Variants in ANKRD52 observed in about 807,000 individuals in gnomAD.
ANKRD52 encodes serine/threonine-protein phosphatase 6 regulatory ankyrin repeat subunit C.
A neutral mutation model predicts 116.0 loss-of-function variants in ANKRD52; 7 were observed. The observed-to-expected ratio is 0.06, with a 90% confidence interval of 0.03 to 0.11. The LOEUF (loss-of-function observed/expected upper bound fraction) is 0.11. Among genes scored for constraint, ANKRD52 ranks in the 10% least tolerant of loss-of-function variants. ANKRD52 has a pLI of 1.00. For missense variants in ANKRD52, 839 were observed against 1,408.6 expected (o/e 0.60, Z 6.47); for synonymous variants, 528 against 578.1 (o/e 0.91, Z 1.24).
rs202198891 is a variant in ANKRD52 at position 56,237,857 on chromosome 12, C to T, written c.*5285G>A. ...AGAACCCATCCCAAAGCCATGACTA[C>T]GACAGTTGTACTTGCACCAAAACAG... On this transcript the variant is annotated 3_prime_UTR_variant, in exon 28 of 28. Transcript: ENST00000267116. 205 of 1,189,266 alleles carry T rather than the reference C, an allele frequency of 1.7e-4. 1 individual carries two copies. The East Asian group carries it at 5.5e-3, about 32-fold the overall frequency. The allele number at this position is 1,189,266 out of a possible 1,614,324, so 73.7% of individuals were successfully genotyped here.
intron 15 of ANKRD52, among the ~76,000 whole-genome samples, chr12:56,249,631 C>T (rs1024094130): frequency 3.9e-5 from 6 of 152,218 alleles, no homozygotes; most frequent in South Asian, 2.1e-4. Flanking sequence ...GGGCCTGGCT[C>T]GGTTGCTCAC....
At position 56,258,360 on chromosome 12, in the gene ANKRD52, G is replaced by A; in HGVS notation, c.-91C>T. 6.7e-6 allele frequency: 9 copies of A among 1,350,978 alleles called. No homozygotes were observed. Among genetic ancestry groups the A allele is most frequent in the Non-Finnish European group, 8.6e-6 (9 of 1,048,660 alleles). 83.7% of individuals were successfully genotyped at this position (1,350,978 alleles called of 1,614,324 possible). ...CGGAGCGGCCCAGGCGGCGGCTGCGGTGGCGGCTGCAGGGAGAGCGCGGCC... is the reference window on the plus strand; with the variant it reads ...CGGAGCGGCCCAGGCGGCGGCTGCGATGGCGGCTGCAGGGAGAGCGCGGCC... On this transcript the variant is annotated 5_prime_UTR_variant, in exon 1 of 28. Coordinates refer to ENST00000267116, the MANE Select transcript of ANKRD52 (RefSeq NM_173595.4).
Position 56,253,474 on chromosome 12 carries a change from AT to A in ANKRD52, c.986-73del. The A allele has an allele frequency of 8.3e-7, 1 of 1,205,274 alleles. No individual in the cohort carries two copies. The highest frequency in any genetic ancestry group is 1.2e-6 in the Non-Finnish European group (1 of 820,352). The allele number at this position is 1,205,274 out of a possible 1,614,324, so 74.7% of individuals were successfully genotyped here. ...AGACCACTTTCGCGAGCTAGCCATG[AT>A]TTGAGTGCCTACTATGTATGCATCA... On this transcript the variant is annotated intron_variant, in intron 9 of 27. Transcript: ENST00000267116. The surrounding 1 kb of genome is among the most constrained non-coding windows in gnomAD (Gnocchi z 5.5).
Position 56,242,428 on chromosome 12 carries a change from AG to A in ANKRD52, c.*713del. ...AGGCTAGGAGTGGGAGGGAATGGGG[AG>A]GGGGCAGGCTGTGGGGGCAGAACCA... On this transcript the variant is annotated 3_prime_UTR_variant, in exon 28 of 28. Coordinates refer to ENST00000267116, the MANE Select transcript of ANKRD52 (RefSeq NM_173595.4). This position sits in a 1 kb window ranked among gnomAD's most constrained non-coding sequence, Gnocchi z 4.3. The A allele has an allele frequency of 3.1e-6, 1 of 326,876 alleles. No individual in the cohort carries two copies. The highest frequency in any genetic ancestry group is 5.5e-6 in the Non-Finnish European group (1 of 181,286). The allele number at this position is 326,876 out of a possible 1,614,324, so 20.2% of individuals were successfully genotyped here.
chr12:56,251,967 T>A (rs369771785), intron 15 of ANKRD52, 48 bp downstream of exon 15: 3 of 1,586,362 alleles, frequency 1.9e-6, no homozygotes, highest in Non-Finnish European at 2.6e-6. Context: ...GGCCAGAGCT[T>A]GCATGGGTTG....
At position 56,241,725 on chromosome 12, in the gene ANKRD52, C is replaced by A; in HGVS notation, c.*1417G>T. On this transcript the variant is annotated 3_prime_UTR_variant, in exon 28 of 28. Transcript: ENST00000267116. ...GAACACTGGGCTGCAGGAGTGGGTCCAACTGTCCAGGAGGCTGCACTAGGA... is the reference window on the plus strand; with the variant it reads ...GAACACTGGGCTGCAGGAGTGGGTCAAACTGTCCAGGAGGCTGCACTAGGA... The A allele has an allele frequency of 2.9e-6, 1 of 348,390 alleles. No individual in the cohort carries two copies. Among genetic ancestry groups the A allele is most frequent in the Non-Finnish European group, 5.1e-6 (1 of 194,646 alleles). 21.6% of individuals were successfully genotyped at this position (348,390 alleles called of 1,614,324 possible). A position where few individuals can be genotyped will look rare whatever the true frequency, so the allele number is the denominator to read the frequency against.
chr12:56,254,591 C>T lies in ANKRD52; in HGVS notation c.680G>A (p.Arg227Gln), dbSNP rs758190924. 5.6e-6 allele frequency: 9 copies of T among 1,613,884 alleles called. No homozygotes were observed. The highest frequency in any genetic ancestry group is 1.7e-5 in the Admixed American group (1 of 60,014). The part of the protein sequence containing the change: ...GQIEVVKYLL[R>Q]MGAEIDEPNA... ...CAAAGCCCTGACCTCCGCTCCCATC[C>T]GAAGCAGGTACTTCACCACTTCAAT... The change falls in exon 7 of 28, where the codon CGG becomes CAG. Residue 227 changes from arginine (R) to glutamine (Q), a missense_variant. This residue lies in a region of ANKRD52 where 287 missense variants were observed against 598.1 expected (regional missense o/e 0.48). Transcript: ENST00000267116. The surrounding 1 kb of genome is among the most constrained non-coding windows in gnomAD (Gnocchi z 4.6).
intron 22 of ANKRD52, 38 bp downstream of exon 22, chr12:56,245,065 C>A: frequency 6.2e-7 from 1 of 1,612,916 alleles, no homozygotes; most frequent in East Asian, 2.2e-5. Flanking sequence ...AAGTCATGGG[C>A]CCTCGCGAGA....
At chr12:56,251,877 G>T in intron 15 of ANKRD52, 138 bp downstream of exon 15, 1 of 885,042 alleles carries the variant, frequency 1.1e-6, no homozygotes, top group Non-Finnish European at 1.7e-6. Context: ...ACACCCAGAG[G>T]GCTCAAGACA....
At chr12:56,245,022 G>A in intron 22 of ANKRD52, 33 bp from the exon 23 acceptor site, 14 of 1,613,310 alleles carry the variant, frequency 8.7e-6, no homozygotes, top group Non-Finnish European at 1.2e-5. Flanking sequence ...TCATCAGGAA[G>A]GACAAGGGAA....
At chr12:56,245,708 CTTTTTTT>C (rs918818332) in intron 20 of ANKRD52, 112 bp from the exon 21 acceptor site, 200 of 397,590 alleles carry the variant, frequency 5.0e-4, no homozygotes, top group South Asian at 5.6e-4. Flanking sequence ...CAATCCTTGT[CTTTTTTT>C]TTTTTTTTTT....
Position 56,257,268 on chromosome 12 carries a change from G to A in ANKRD52, c.190+15C>T. ...CGCTCCCTATGTGCCACACCTTCCA[G>A]CTCCCCACTTTCACCTGACATCAGT... On this transcript the variant is annotated intron_variant, in intron 3 of 27. Transcript: ENST00000267116. 2 of 1,583,966 alleles carry A rather than the reference G, an allele frequency of 1.3e-6. No homozygotes were observed. Among genetic ancestry groups the A allele is most frequent in the Non-Finnish European group, 1.7e-6 (2 of 1,164,620 alleles).
intron 20 of ANKRD52, among the ~76,000 whole-genome samples, chr12:56,246,919 C>CAATAATAATAAT (rs374443069): frequency 1.0e-4 from 13 of 125,502 alleles, no homozygotes; most frequent in Admixed American, 3.3e-4. Flanking sequence ...GACTCTATCT[C>CAATAATAATAAT]AATAATAATA....
Position 56,253,099 on chromosome 12 carries a change from T to C in ANKRD52, c.1101-13A>G. ...ATGGATGCCACGCCTAGAGAGAAGTTGAGGGACTCAGTCCTTGGGTCAAGG... is the reference window on the plus strand; with the variant it reads ...ATGGATGCCACGCCTAGAGAGAAGTCGAGGGACTCAGTCCTTGGGTCAAGG... On this transcript the variant is annotated splice_polypyrimidine_tract_variant and intron_variant, in intron 10 of 27. Coordinates refer to ENST00000267116, the MANE Select transcript of ANKRD52 (RefSeq NM_173595.4). The surrounding 1 kb of genome is among the most constrained non-coding windows in gnomAD (Gnocchi z 5.5). 1 of 1,559,652 alleles carries C rather than the reference T, an allele frequency of 6.4e-7. No individual in the cohort carries two copies. Among genetic ancestry groups the C allele is most frequent in the Non-Finnish European group, 8.7e-7 (1 of 1,152,974 alleles).
chr12:56,249,231 C>G (rs903892028), intron 15 of ANKRD52, among the ~76,000 whole-genome samples: 1 of 152,178 alleles, frequency 6.6e-6, no homozygotes, highest in African/African-American at 2.4e-5. Context: ...CCAGCCCACC[C>G]GAATAAGTCC....
chr12:56,245,957 C>T (rs1205649200), intron 20 of ANKRD52, among the ~76,000 whole-genome samples: 2 of 151,676 alleles, frequency 1.3e-5, no homozygotes, highest in Admixed American at 6.6e-5. Context: ...CCTCGTGATC[C>T]GCCTGCCTCG....
intron 20 of ANKRD52, among the ~76,000 whole-genome samples, chr12:56,246,685 G>A (rs185380718): frequency 9.9e-5 from 15 of 152,176 alleles, no homozygotes; most frequent in African/African-American, 3.1e-4. Context: ...CCTTTGGGAG[G>A]CCAAGGCGGG....
chr12:56,249,687 C>T (rs1329351742), intron 15 of ANKRD52, among the ~76,000 whole-genome samples: 6 of 152,220 alleles, frequency 3.9e-5, no homozygotes, highest in Non-Finnish European at 7.3e-5. Context: ...GCAGATCACC[C>T]GCGGTCAGGA....
At position 56,247,578 on chromosome 12, in the gene ANKRD52, T is replaced by C; in HGVS notation, c.2099A>G (p.His700Arg). The change falls in exon 20 of 28, where the codon CAT (histidine) becomes CGT (arginine). Residue 700 changes from histidine to arginine, a missense_variant. Coordinates refer to ENST00000267116, the MANE Select transcript of ANKRD52 (RefSeq NM_173595.4). ...TPLMLAIMNG[H>R]VDCVHLLLEK... ...TAGCAGCAGATGTACACAGTCCACA[T>C]GGCCATTCATGATGGCCAGCATCAG... 1 of 1,594,476 alleles carries C rather than the reference T, an allele frequency of 6.3e-7. No individual in the cohort carries two copies. Among genetic ancestry groups the C allele is most frequent in the Non-Finnish European group, 8.5e-7 (1 of 1,169,846 alleles).
Sources: gnomAD v4.1 joint callset for allele counts (sites outside exome capture counted in the v4.1 genomes callset) on GRCh38, gnomAD v4.1.1 for gene constraint, gnomAD v4.1.1 regional missense constraint, Gnocchi (gnomAD v3.1) non-coding constraint, MANE v1.5 for transcripts, NCBI Gene and HGNC (gene_info 2026-07-23, HGNC 2026-07-21) for gene names.